Variants in TAOK1 observed in about 807,000 individuals in gnomAD.
TAOK1 encodes the protein TAO kinase 1.
In TAOK1, 21 loss-of-function variants were observed where a neutral mutation model predicts 138.3. That is an observed-to-expected ratio of 0.15 (90% confidence interval 0.11 to 0.22). TAOK1 has a LOEUF of 0.22. Ranked by LOEUF, TAOK1 falls within the 10% of genes least tolerant of loss-of-function variation. The pLI is 1.00. For missense variants in TAOK1, 651 were observed against 1,227.7 expected, an observed-to-expected ratio of 0.53 and a Z score of 7.02; for synonymous variants, 361 against 398.4, an observed-to-expected ratio of 0.91 and a Z score of 1.12.
At chr17:29,533,645 C>T (rs976022662) in intron 18 of TAOK1, among the ~76,000 whole-genome samples, 1 of 151,982 alleles carries the variant, frequency 6.6e-6, no homozygotes, top group African/African-American at 2.4e-5. Context: ...TGGAGACCAG[C>T]CCGGCCAACA....
chr17:29,504,876 T>C (rs1036968816), intron 13 of TAOK1, among the ~76,000 whole-genome samples: 3 of 152,126 alleles, frequency 2.0e-5, no homozygotes, highest in Non-Finnish European at 4.4e-5. Context: ...AATAACACTT[T>C]GAACAGAGCA....
intron 1 of TAOK1, among the ~76,000 whole-genome samples, chr17:29,420,710 C>T (rs973062824): frequency 1.3e-5 from 2 of 151,538 alleles, no homozygotes; most frequent in Non-Finnish European, 2.9e-5. Flanking sequence ...TTCAGCCTCC[C>T]GAGTAGCTGG....
At chr17:29,516,501 A>ATTTT (rs36052568) in intron 15 of TAOK1, among the ~76,000 whole-genome samples, 3 of 126,956 alleles carry the variant, frequency 2.4e-5, no homozygotes, top group Non-Finnish European at 3.3e-5. Context: ...CACCTGGCTA[A>ATTTT]TTTTTTTTTT....
At chr17:29,409,310 T>C (rs1035384835) in intron 1 of TAOK1, among the ~76,000 whole-genome samples, 14 of 53,748 alleles carry the variant, frequency 2.6e-4, no homozygotes, top group Non-Finnish European at 3.1e-5. Context: ...TTTATGGACA[T>C]ATATATATAT....
chr17:29,467,273 A>G lies in TAOK1; in HGVS notation c.204+57A>G, dbSNP rs551655201. On this transcript the variant is annotated intron_variant, in intron 3 of 19. Coordinates refer to ENST00000261716, the MANE Select transcript of TAOK1 (RefSeq NM_020791.4). ...CTTATATTTATCTCAGAATAAATAT[A>G]TACATTCTTTTTTTTTTTGAGACTG... 6 of 1,140,922 alleles carry G rather than the reference A, an allele frequency of 5.3e-6. No homozygotes were observed. In the Admixed American group the frequency reaches 1.0e-4, roughly 20 times the overall value. The allele number at this position is 1,140,922 out of a possible 1,614,324, so 70.7% of individuals were successfully genotyped here.
At chr17:29,493,773 A>T (rs984624213) in intron 10 of TAOK1, among the ~76,000 whole-genome samples, 4 of 152,190 alleles carry the variant, frequency 2.6e-5, no homozygotes, top group African/African-American at 9.7e-5. Context: ...TAATAAAAAA[A>T]TTTAATGTAT....
intron 1 of TAOK1, among the ~76,000 whole-genome samples, chr17:29,393,821 T>G (rs1904503849): frequency 6.6e-6 from 1 of 152,174 alleles, no homozygotes; most frequent in African/African-American, 2.4e-5. Context: ...GCTTCCAAAC[T>G]AAAGGATAGT....
chr17:29,414,244 A>G (rs879805256), intron 1 of TAOK1, among the ~76,000 whole-genome samples: 7 of 150,714 alleles, frequency 4.6e-5, no homozygotes, highest in Non-Finnish European at 8.9e-5. Context: ...TGGAGCATGT[A>G]TCAGTACTTC....
chr17:29,456,199 T>A (rs1402834824), intron 2 of TAOK1, among the ~76,000 whole-genome samples: 3 of 149,848 alleles, frequency 2.0e-5, no homozygotes, highest in South Asian at 2.1e-4. Flanking sequence ...AATACAAAAA[T>A]AAGTTGAGTG....
At chr17:29,532,596 C>T (rs1019099938) in intron 18 of TAOK1, among the ~76,000 whole-genome samples, 89 of 152,220 alleles carry the variant, frequency 5.8e-4, no homozygotes, top group African/African-American at 2.0e-3. Flanking sequence ...GCACATCTTG[C>T]ACCGCCCTTA....
At chr17:29,425,988 C>T (rs1020603043) in intron 1 of TAOK1, among the ~76,000 whole-genome samples, 3 of 152,206 alleles carry the variant, frequency 2.0e-5, no homozygotes, top group African/African-American at 4.8e-5. Context: ...TCACGCCATT[C>T]TCCTGCCTCA....
At chr17:29,469,379 A>G (rs1021292515) in intron 3 of TAOK1, among the ~76,000 whole-genome samples, 5 of 152,194 alleles carry the variant, frequency 3.3e-5, no homozygotes, top group African/African-American at 7.2e-5. Context: ...TTTCAGTGGA[A>G]TTAAGTGCAT....
In TAOK1 at chr17:29,420,286, G is replaced by A. The variant is rs376641385; in HGVS notation, c.-95+29262G>A. Among the ~76,000 whole-genome samples, 104 of 151,546 alleles carry A rather than the reference G, an allele frequency of 6.9e-4. No homozygotes were observed. In the East Asian group the frequency reaches 0.016, roughly 23 times the overall value. The stretch of plus-strand genomic sequence containing the variant: ...CAGACTCAAGCAATTCACCCGCCTC[G>A]GCCTCCCAAAGTGCTGGGATTACAA... On this transcript the variant is annotated intron_variant, in intron 1 of 19. Coordinates refer to ENST00000261716, the MANE Select transcript of TAOK1 (RefSeq NM_020791.4).
In TAOK1 at chr17:29,390,838, C is replaced by T. The variant is rs942169159; in HGVS notation, c.-281C>T. 6.6e-6 allele frequency: 1 copy of T among 151,638 alleles called. No individual in the cohort carries two copies. Among genetic ancestry groups the T allele is most frequent in the African/African-American group, 2.4e-5 (1 of 41,418 alleles). 9.4% of individuals were successfully genotyped at this position (151,638 alleles called of 1,614,324 possible). On this transcript the variant is annotated 5_prime_UTR_variant, in exon 1 of 20. Coordinates refer to ENST00000261716, the MANE Select transcript of TAOK1 (RefSeq NM_020791.4). ...TCGTCCCCTCGCCCCCCCCCCCACC[C>T]CCCGCCGCCGCCGCCCCTTGTTGCA...
At chr17:29,510,714 C>T in intron 14 of TAOK1, 150 bp from the exon 15 acceptor site, 1 of 491,234 alleles carries the variant, frequency 2.0e-6, no homozygotes, top group Non-Finnish European at 3.4e-6. Flanking sequence ...CCAAGTAGCA[C>T]ATGTTTATAA....
chr17:29,459,839 A>G (rs970056516), intron 2 of TAOK1, among the ~76,000 whole-genome samples: 2 of 152,156 alleles, frequency 1.3e-5, no homozygotes, highest in Non-Finnish European at 2.9e-5. Context: ...ACTCTTCTTC[A>G]TAGTGGTTGT....
chr17:29,458,820 G>A (rs1028777459), intron 2 of TAOK1, among the ~76,000 whole-genome samples: 1 of 152,254 alleles, frequency 6.6e-6, no homozygotes, highest in African/African-American at 2.4e-5. Context: ...TCAGCCTGCC[G>A]AGTAGCTGGG....
chr17:29,394,150 G>GTTTTTTTTTTTTTTTT (rs58117433), intron 1 of TAOK1, among the ~76,000 whole-genome samples: 5 of 48,278 alleles, frequency 1.0e-4, no homozygotes, highest in Non-Finnish European at 1.4e-4. Context: ...TAATTTGCCA[G>GTTTTTTTTTTTTTTTT]TTTTTTTTTT....
intron 1 of TAOK1, among the ~76,000 whole-genome samples, chr17:29,416,083 C>T (rs1305666046): frequency 1.3e-5 from 2 of 151,856 alleles, no homozygotes; most frequent in Non-Finnish European, 2.9e-5. Context: ...GCCAACATGA[C>T]GAAACCCCAT....
Sources: allele counts gnomAD v4.1 joint callset (sites outside exome capture counted in the v4.1 genomes callset), GRCh38; gene constraint gnomAD v4.1.1; transcripts MANE v1.5; gene names NCBI Gene and HGNC (gene_info 2026-07-23, HGNC 2026-07-21).